The following WWOX variants were observed in gnomAD, a reference collection of about 807,000 sequenced individuals.
The protein encoded by WWOX is WW domain containing oxidoreductase, also known as WW domain-containing oxidoreductase.
In WWOX, 69 loss-of-function variants were observed where a neutral mutation model predicts 46.2. That is an observed-to-expected ratio of 1.49 (90% CI 1.23 to 1.82). The LOEUF is 1.82. Among genes scored for constraint, WWOX ranks in the 40% most tolerant of loss-of-function variants. WWOX has a pLI of 0.00. For missense variants in WWOX, 919 were observed against 542.6 expected, an observed-to-expected ratio of 1.69 and a Z score of -6.89; for synonymous variants, 359 against 202.6, an observed-to-expected ratio of 1.77 and a Z score of -6.56.
intron 8 of WWOX, among the ~76,000 whole-genome samples, chr16:78,855,046 T>C (rs1219854574): frequency 6.6e-6 from 1 of 152,184 alleles, no homozygotes; most frequent in African/African-American, 2.4e-5. Flanking sequence ...GTCAGGACTA[T>C]GATTGACAGT....
chr16:78,112,204 G>C (rs547823494), intron 3 of WWOX, among the ~76,000 whole-genome samples: 3 of 152,308 alleles, frequency 2.0e-5, no homozygotes, highest in South Asian at 4.2e-4. Context: ...GAATCTGATT[G>C]CTACATCATT....
rs200058019 is a variant in WWOX, at chr16:78,164,292, A to G, written c.516+3A>G. 8 of 1,612,406 alleles carry G rather than the reference A, an allele frequency of 5.0e-6. No individual in the cohort carries two copies. Among genetic ancestry groups the G allele is most frequent in the Non-Finnish European group, 6.8e-6 (8 of 1,178,812 alleles). ...TGTCACGCATTTTAGAAGAATGGGT[A>G]AGTGCTTGACTGTTGTTGTTTTTTT... On this transcript the variant is annotated splice_donor_region_variant and intron_variant, in intron 5 of 8. Coordinates refer to ENST00000566780, the MANE Select transcript of WWOX (RefSeq NM_016373.4).
At chr16:78,378,602 A>G (rs2081882955) in intron 5 of WWOX, among the ~76,000 whole-genome samples, 1 of 152,220 alleles carries the variant, frequency 6.6e-6, no homozygotes, top group African/African-American at 2.4e-5. Context: ...ATGTCATGTC[A>G]ATACTGTGCT....
chr16:78,412,027 C>A (rs528481000), intron 6 of WWOX, among the ~76,000 whole-genome samples: 15 of 152,252 alleles, frequency 9.9e-5, no homozygotes, highest in Non-Finnish European at 1.5e-5. Context: ...GTGATGACTT[C>A]CCAGATGTGA....
chr16:79,037,856 C>A (rs948896783), intron 8 of WWOX, among the ~76,000 whole-genome samples: 1 of 152,132 alleles, frequency 6.6e-6, no homozygotes. Context: ...CTCCTGCCTG[C>A]TCTCTGGGTG....
intron 8 of WWOX, among the ~76,000 whole-genome samples, chr16:78,473,079 G>C (rs1402280293): frequency 3.9e-5 from 6 of 152,174 alleles, no homozygotes; most frequent in Non-Finnish European, 8.8e-5. Context: ...GTTTAAACTT[G>C]AGTGTCCTTA....
rs141045194 is a variant in WWOX at position 78,577,954 on chromosome 16, C to G, written c.1056+145202C>G. Among the ~76,000 whole-genome samples, 932 of 152,096 alleles carry G rather than the reference C, an allele frequency of 6.1e-3. 6 individuals carry two copies. Among genetic ancestry groups the G allele is most frequent in the Middle Eastern group, 0.024 (7 of 292 alleles). On this transcript the variant is annotated intron_variant, in intron 8 of 8. Coordinates refer to ENST00000566780, the MANE Select transcript of WWOX (RefSeq NM_016373.4). Reference sequence around the variant, plus strand: ...TTGTGGCCACAGTTTTTCCAGATAACCAAGACTCACTAATATTTTCACAAG... The same window carrying G: ...TTGTGGCCACAGTTTTTCCAGATAAGCAAGACTCACTAATATTTTCACAAG...
rs188796428 is a variant in WWOX, at chr16:78,381,445, C to G, written c.517-5415C>G. ...ATGCACCTGGGTTGTTTGATTATGA[C>G]CTTCTGGCTGAGCCCTGGATGTTGG... On this transcript the variant is annotated intron_variant, in intron 5 of 8. Transcript: ENST00000566780. 1.9e-3 allele frequency among the ~76,000 whole-genome samples: 293 copies of G among 152,308 alleles called. 2 individuals are homozygous for G. Among genetic ancestry groups the G allele is most frequent in the Non-Finnish European group, 3.2e-3 (215 of 68,036 alleles).
intron 8 of WWOX, among the ~76,000 whole-genome samples, chr16:78,938,325 A>T (rs578135402): frequency 1.3e-5 from 2 of 152,346 alleles, no homozygotes; most frequent in East Asian, 3.9e-4. Context: ...CATCCTTCAG[A>T]GCTTGGCCTC....
intron 5 of WWOX, among the ~76,000 whole-genome samples, chr16:78,214,853 C>G (rs559536198): frequency 2.0e-5 from 3 of 149,922 alleles, no homozygotes; most frequent in Non-Finnish European, 4.4e-5. Context: ...AAAGGTTTGT[C>G]GTTTAAAAAT....
At chr16:78,515,068 A>C (rs1407414732) in intron 8 of WWOX, among the ~76,000 whole-genome samples, 1 of 152,076 alleles carries the variant, frequency 6.6e-6, no homozygotes, top group African/African-American at 2.4e-5. Flanking sequence ...AAAAATACAA[A>C]AAAAAATTAG....
intron 8 of WWOX, among the ~76,000 whole-genome samples, chr16:79,135,034 TTC>T (rs1409718837): frequency 6.6e-6 from 1 of 152,200 alleles, no homozygotes. Context: ...GGATTAATTT[TTC>T]TCTCTTATAA....
At chr16:78,915,836 C>G (rs1410612360) in intron 8 of WWOX, among the ~76,000 whole-genome samples, 4 of 152,130 alleles carry the variant, frequency 2.6e-5, no homozygotes, top group East Asian at 1.9e-4. Context: ...AATTTTTAAT[C>G]TTGATCACCA....
At chr16:78,716,159 A>G (rs879787654) in intron 8 of WWOX, among the ~76,000 whole-genome samples, 2 of 152,098 alleles carry the variant, frequency 1.3e-5, no homozygotes, top group African/African-American at 2.4e-5. Flanking sequence ...GGGCACAGAG[A>G]CAGAGGCAGA....
intron 5 of WWOX, among the ~76,000 whole-genome samples, chr16:78,352,809 T>C (rs1597081825): frequency 6.6e-6 from 1 of 152,244 alleles, no homozygotes; most frequent in East Asian, 1.9e-4. Context: ...ATTTATTTTA[T>C]GTCCTTGGAG....
chr16:78,759,485 C>T (rs1194452447), intron 8 of WWOX, among the ~76,000 whole-genome samples: 3 of 152,126 alleles, frequency 2.0e-5, no homozygotes, highest in Non-Finnish European at 4.4e-5. Context: ...GCCCTTGAAG[C>T]CTCTTGACAT....
At chr16:78,292,367 T>G (rs573861658) in intron 5 of WWOX, among the ~76,000 whole-genome samples, 2 of 152,212 alleles carry the variant, frequency 1.3e-5, no homozygotes, top group Non-Finnish European at 2.9e-5. Flanking sequence ...GCCTAACAAC[T>G]GAACACATTT....
chr16:78,718,524 C>A (rs538494820), intron 8 of WWOX, among the ~76,000 whole-genome samples: 2 of 152,138 alleles, frequency 1.3e-5, no homozygotes, highest in African/African-American at 4.8e-5. Flanking sequence ...ATTTGCCAGT[C>A]AGAAAAATTT....
chr16:78,742,097 A>G (rs945703040), intron 8 of WWOX, among the ~76,000 whole-genome samples: 7 of 151,984 alleles, frequency 4.6e-5, no homozygotes, highest in African/African-American at 1.2e-4. Flanking sequence ...AGTAGCCCCT[A>G]TTTACCTTTA....
Sources: allele counts gnomAD v4.1 joint callset (sites outside exome capture counted in the v4.1 genomes callset), GRCh38; gene constraint gnomAD v4.1.1; transcripts MANE v1.5; gene names NCBI Gene and HGNC (gene_info 2026-07-23, HGNC 2026-07-21).